The following MYH15 variants were observed in gnomAD, a reference collection of about 807,000 sequenced individuals.
MYH15 encodes myosin heavy chain 15, also known as myosin-15.
Under a neutral mutation model 240.5 loss-of-function variants are expected in MYH15, and 227 were observed. The observed-to-expected ratio is 0.94, with a 90% CI of 0.85 to 1.05. MYH15 has a LOEUF of 1.05. Among genes scored for constraint, MYH15 ranks in the 50% least tolerant of loss-of-function variants. The pLI, the probability that MYH15 is intolerant of heterozygous loss-of-function variation, is 0.00. For missense variants in MYH15, 2,217 were observed against 2,247.5 expected (o/e 0.99, Z 0.27); for synonymous variants, 785 against 796.7 (o/e 0.99, Z 0.25).
intron 31 of MYH15, among the ~76,000 whole-genome samples, chr3:108,410,187 C>T (rs7648966): frequency 7.2e-5 from 11 of 151,752 alleles, no homozygotes; most frequent in Non-Finnish European, 1.3e-4. Context: ...GTGCCTGGTA[C>T]GTAGTATGGG....
chr3:108,489,047 T>G (rs1172997208), intron 9 of MYH15, among the ~76,000 whole-genome samples: 1 of 152,252 alleles, frequency 6.6e-6, no homozygotes, highest in African/African-American at 2.4e-5. Context: ...ATAGACCTGT[T>G]GGCCATTTGC....
chr3:108,447,816 A>G (rs2107573518), intron 21 of MYH15, among the ~76,000 whole-genome samples: 1 of 152,308 alleles, frequency 6.6e-6, no homozygotes, highest in East Asian at 1.9e-4. Context: ...AGTCAAATTC[A>G]GAATAATACT....
intron 31 of MYH15, 60 bp downstream of exon 31, chr3:108,410,523 A>G: frequency 7.9e-7 from 1 of 1,262,964 alleles, no homozygotes; most frequent in Non-Finnish European, 1.1e-6. Context: ...CCTTGCCTGT[A>G]GCCAGGGCTC....
At chr3:108,510,640 G>T, upstream of MYH15, 2 of 1,544,106 alleles carry the variant, frequency 1.3e-6, no homozygotes, top group Non-Finnish European at 1.8e-6. Flanking sequence ...AAGGCATCAA[G>T]CTCTAAATGA....
At chr3:108,470,003 C>T in intron 14 of MYH15, 39 bp downstream of exon 14, 1 of 1,576,504 alleles carries the variant, frequency 6.3e-7, no homozygotes, top group Non-Finnish European at 8.6e-7. Flanking sequence ...GGACAATTCT[C>T]CCGAAATGAA....
chr3:108,471,970 G>T (rs2083181975), intron 12 of MYH15, among the ~76,000 whole-genome samples: 1 of 152,146 alleles, frequency 6.6e-6, no homozygotes, highest in South Asian at 2.1e-4. Context: ...ATCTTCATCT[G>T]AAAAACACTC....
intron 9 of MYH15, among the ~76,000 whole-genome samples, chr3:108,491,011 CTGA>C (rs1321258421): frequency 6.6e-6 from 1 of 152,128 alleles, no homozygotes; most frequent in East Asian, 1.9e-4. Context: ...CCTCAGTCTC[CTGA>C]GTAGCCAGAA....
intron 19 of MYH15, 86 bp from the exon 20 acceptor site, chr3:108,455,945 G>T: frequency 7.5e-7 from 1 of 1,326,462 alleles, no homozygotes; most frequent in Non-Finnish European, 1.1e-6. Context: ...GGTGAAAGGA[G>T]ACATAGATTT....
intron 2 of MYH15, among the ~76,000 whole-genome samples, chr3:108,504,446 G>A (rs751501145): frequency 3.3e-5 from 5 of 152,156 alleles, no homozygotes; most frequent in Non-Finnish European, 5.9e-5. Flanking sequence ...ATTCTATGTG[G>A]TAGTTTATGA....
At position 108,398,704 on chromosome 3, in the gene MYH15, C is replaced by A. The variant is rs537723723; in HGVS notation, c.5066G>T (p.Arg1689Leu). Residue 1689 changes from arginine to leucine, a missense_variant, in exon 35 of 41, where the codon CGT becomes CTT. Arg to Leu is a moderately radical substitution (Grantham distance 102). Coordinates refer to ENST00000693548, the MANE Select transcript of MYH15 (RefSeq NM_014981.3). The stretch of plus-strand genomic sequence containing the variant: ...CTCTTCTTCTGACAGCCTGCGGCCA[C>A]GCTCTGTCTGCTCTTGCAGGGACCT... ...DLRSLQEQTE[R>L]GRRLSEEELL... 1.5e-5 allele frequency: 24 copies of A among 1,614,150 alleles called. No homozygotes were observed. In the African/African-American group the frequency reaches 2.4e-4, roughly 16 times the overall value.
chr3:108,385,815 C>T (rs140410427), intron 38 of MYH15, among the ~76,000 whole-genome samples: 23 of 151,860 alleles, frequency 1.5e-4, no homozygotes, highest in Middle Eastern at 6.8e-3. Flanking sequence ...CCACTCCAAC[C>T]AGGTCACATT....
intron 33 of MYH15, chr3:108,404,920 A>C (rs2082534912): frequency 6.6e-6 from 1 of 152,306 alleles, no homozygotes; most frequent in East Asian, 1.9e-4. Context: ...GACAGTATGC[A>C]CAGTCCTTAT....
chr3:108,550,370 T>G, the MYH15 span: 1 of 151,528 alleles, frequency 6.6e-6, no homozygotes, highest in Non-Finnish European at 1.5e-5. Flanking sequence ...ATTATCCTTA[T>G]GTAAATCATA....
intron 33 of MYH15, 102 bp from the exon 34 acceptor site, chr3:108,399,369 A>C (rs1192828958): frequency 9.9e-7 from 1 of 1,008,126 alleles, no homozygotes; most frequent in African/African-American, 1.6e-5. Context: ...AAAGAATAAA[A>C]TCCAAGATAA....
chr3:108,527,990 G>A (rs2083685659), intron 1 of MYH15, among the ~76,000 whole-genome samples: 1 of 152,160 alleles, frequency 6.6e-6, no homozygotes, highest in Admixed American at 6.6e-5. Flanking sequence ...TTATCCCTTG[G>A]TAGGGGACTG....
intron 8 of MYH15, 147 bp downstream of exon 8, chr3:108,492,967 G>GAAA: frequency 1.5e-6 from 1 of 661,298 alleles, no homozygotes; most frequent in Non-Finnish European, 2.6e-6. Context: ...AAGAAAAGAA[G>GAAA]GAAGGAAGGG....
At chr3:108,501,645 C>G (rs2083439072) in intron 3 of MYH15, 67 bp downstream of exon 3, 1 of 1,594,982 alleles carries the variant, frequency 6.3e-7, no homozygotes, top group East Asian at 2.2e-5. Flanking sequence ...AGAGATCACC[C>G]AGGAGAGATT....
intron 21 of MYH15, among the ~76,000 whole-genome samples, chr3:108,452,289 T>G (rs964346467): frequency 6.6e-6 from 1 of 152,100 alleles, no homozygotes; most frequent in African/African-American, 2.4e-5. Context: ...TATCCACAAA[T>G]TGTTATCAGA....
At position 108,398,689 on chromosome 3, in the gene MYH15, G is replaced by A; in HGVS notation, c.5081C>T (p.Ser1694Leu). 1 of 1,613,986 alleles carries A rather than the reference G, an allele frequency of 6.2e-7. No homozygotes were observed. ...QEQTERGRRL[S>L]EEELLEATER... ...TGTTGCTTCCAGGAGCTCTTCTTCT[G>A]ACAGCCTGCGGCCACGCTCTGTCTG... is the stretch of plus-strand genomic sequence containing the variant. The change falls in exon 35 of 41, where the codon TCA (serine) becomes TTA (leucine). Residue 1694 changes from serine (S) to leucine (L), a missense_variant. By Grantham distance (145) the Ser-to-Leu change is moderately radical. Coordinates refer to ENST00000693548, the MANE Select transcript of MYH15 (RefSeq NM_014981.3).
Sources: gnomAD v4.1 joint callset for allele counts (sites outside exome capture counted in the v4.1 genomes callset) on GRCh38, gnomAD v4.1.1 for gene constraint, MANE v1.5 for transcripts, NCBI Gene and HGNC (gene_info 2026-07-23, HGNC 2026-07-21) for gene names.